ASIC2: variants seen among roughly 807,000 people sequenced by gnomAD.
ASIC2 encodes the protein acid sensing ion channel subunit 2.
ASIC2 carries 25 observed loss-of-function variants against 57.3 expected under a neutral mutation model. The observed-to-expected ratio is 0.44, with a 90% confidence interval of 0.32 to 0.61. The LOEUF is 0.61. Among genes scored for constraint, ASIC2 ranks in the 20% least tolerant of loss-of-function variants. The pLI is 0.06. For synonymous variants in ASIC2, 319 were observed against 307.5 expected (o/e 1.04, Z -0.39); for missense variants, 641 against 738.1 (o/e 0.87, Z 1.52).
At chr17:33,526,599 A>G (rs1410779599) in intron 1 of ASIC2, among the ~76,000 whole-genome samples, 1 of 149,680 alleles carries the variant, frequency 6.7e-6, no homozygotes, top group East Asian at 1.9e-4. Flanking sequence ...CTCACTAAGA[A>G]TGGGTGCTGG....
At chr17:34,097,681 T>C (rs1462003790) in intron 1 of ASIC2, among the ~76,000 whole-genome samples, 1 of 152,188 alleles carries the variant, frequency 6.6e-6, no homozygotes, top group Non-Finnish European at 1.5e-5. Flanking sequence ...TTTAAAGATA[T>C]TTTTTATCAT....
intron 1 of ASIC2, among the ~76,000 whole-genome samples, chr17:33,303,455 A>C (rs1439720536): frequency 6.6e-6 from 1 of 152,184 alleles, no homozygotes; most frequent in Non-Finnish European, 1.5e-5. Flanking sequence ...AGGCTTGGCT[A>C]AGTAAATTGC....
chr17:34,051,875 CGAGAGAG>C (rs1908579424), intron 1 of ASIC2: 1 of 79,710 alleles, frequency 1.3e-5, no homozygotes, highest in Admixed American at 1.1e-4. Context: ...AGAGAGAGAG[CGAGAGAG>C]CGAGAGAGCG....
In ASIC2 at chr17:33,670,268, G is replaced by A. The variant is rs530494603; in HGVS notation, c.555+485710C>T. On this transcript the variant is annotated intron_variant, in intron 1 of 9. Coordinates refer to the ASIC2 transcript ENST00000359872. The stretch of plus-strand genomic sequence containing the variant: ...ATGACTGCACCTCCTCCACTGCACC[G>A]TCAAATGGGTGCTGTTGAACTACCC... Among the ~76,000 whole-genome samples the A allele has an allele frequency of 4.6e-5, 7 of 152,282 alleles. No individual in the cohort carries two copies. The South Asian group carries it at 8.3e-4, about 18-fold the overall frequency.
chr17:33,635,295 A>G (rs1906320403), intron 1 of ASIC2, among the ~76,000 whole-genome samples: 1 of 152,224 alleles, frequency 6.6e-6, no homozygotes, highest in South Asian at 2.1e-4. Flanking sequence ...TACTATGCTA[A>G]TTGCTGTGAA....
At chr17:34,110,912 T>C (rs1261916057) in intron 1 of ASIC2, among the ~76,000 whole-genome samples, 3 of 152,104 alleles carry the variant, frequency 2.0e-5, no homozygotes, top group African/African-American at 7.2e-5. Flanking sequence ...TTCATTCCCG[T>C]CCTGTTACCC....
chr17:33,745,576 C>T (rs1910235835), intron 1 of ASIC2, among the ~76,000 whole-genome samples: 1 of 149,430 alleles, frequency 6.7e-6, no homozygotes, highest in South Asian at 2.1e-4. Context: ...AAAGGGAAAC[C>T]CAATAAGATT....
At chr17:34,115,001 T>G (rs1361841303) in intron 1 of ASIC2, among the ~76,000 whole-genome samples, 1 of 152,218 alleles carries the variant, frequency 6.6e-6, no homozygotes, top group Non-Finnish European at 1.5e-5. Flanking sequence ...AGGAACCACT[T>G]GGAACAGAGA....
chr17:33,644,456 T>C (rs1360015440), intron 1 of ASIC2, among the ~76,000 whole-genome samples: 1 of 152,252 alleles, frequency 6.6e-6, no homozygotes, highest in Non-Finnish European at 1.5e-5. Flanking sequence ...TCTCCTGTGA[T>C]GTTTCATTAG....
chr17:33,885,228 C>G (rs748191745), intron 1 of ASIC2, among the ~76,000 whole-genome samples: 1 of 152,178 alleles, frequency 6.6e-6, no homozygotes, highest in Non-Finnish European at 1.5e-5. Flanking sequence ...CTCTCAAAGT[C>G]TATACTTTTC....
At chr17:33,742,251 G>A (rs1259462074) in intron 1 of ASIC2, among the ~76,000 whole-genome samples, 1 of 152,168 alleles carries the variant, frequency 6.6e-6, no homozygotes, top group African/African-American at 2.4e-5. Flanking sequence ...CAGCCACAAG[G>A]GCACTCTTGC....
At chr17:33,331,048 AACTT>A (rs1299153327) in intron 1 of ASIC2, among the ~76,000 whole-genome samples, 2 of 152,096 alleles carry the variant, frequency 1.3e-5, no homozygotes, top group African/African-American at 4.8e-5. Flanking sequence ...GGGCAAGTGA[AACTT>A]ACCATCTAGC....
chr17:33,908,815 C>T (rs1392722595), intron 1 of ASIC2, among the ~76,000 whole-genome samples: 3 of 152,186 alleles, frequency 2.0e-5, no homozygotes, highest in African/African-American at 7.2e-5. Flanking sequence ...ATATACTGCC[C>T]TATGCTTAAA....
intron 1 of ASIC2, among the ~76,000 whole-genome samples, chr17:33,661,215 G>T (rs979947605): frequency 2.0e-5 from 3 of 152,146 alleles, no homozygotes; most frequent in African/African-American, 7.2e-5. Flanking sequence ...CAAGCACCCT[G>T]TGCTAACTTG....
intron 1 of ASIC2, among the ~76,000 whole-genome samples, chr17:34,109,749 C>T (rs879894173): frequency 2.0e-5 from 3 of 152,156 alleles, no homozygotes; most frequent in Non-Finnish European, 4.4e-5. Context: ...CTTGCTCATT[C>T]ATATACTCTA....
chr17:33,495,183 C>T (rs917244883), intron 1 of ASIC2, among the ~76,000 whole-genome samples: 2 of 152,192 alleles, frequency 1.3e-5, no homozygotes, highest in Admixed American at 1.3e-4. Flanking sequence ...GTGAGTGCCT[C>T]CTTAAATTTT....
chr17:33,731,732 C>T (rs897023414), intron 1 of ASIC2, among the ~76,000 whole-genome samples: 4 of 152,190 alleles, frequency 2.6e-5, no homozygotes, highest in African/African-American at 9.7e-5. Context: ...CAGCTTAGGC[C>T]CTTTCCTCTG....
intron 1 of ASIC2, among the ~76,000 whole-genome samples, chr17:33,127,551 C>G (rs1443004761): frequency 6.6e-6 from 1 of 152,190 alleles, no homozygotes; most frequent in African/African-American, 2.4e-5. Flanking sequence ...AGTCTTTGCT[C>G]TACCCCCAAA....
At chr17:33,235,408 T>C (rs1247414944) in intron 1 of ASIC2, among the ~76,000 whole-genome samples, 1 of 152,194 alleles carries the variant, frequency 6.6e-6, no homozygotes, top group Non-Finnish European at 1.5e-5. Context: ...GGATGAGTCA[T>C]GCATGGGCTG....
Sources: allele counts gnomAD v4.1 joint callset (sites outside exome capture counted in the v4.1 genomes callset), GRCh38; gene constraint gnomAD v4.1.1; transcripts MANE v1.5; gene names NCBI Gene and HGNC (gene_info 2026-07-23, HGNC 2026-07-21).